COBLL1: variants seen among roughly 807,000 people sequenced by gnomAD.
The protein encoded by COBLL1 is cordon-bleu protein-like 1.
COBLL1 carries 50 observed loss-of-function variants against 94.8 expected under a neutral mutation model. That is an observed-to-expected ratio of 0.53 (90% confidence interval 0.42 to 0.67). The LOEUF is 0.67. Ranked by LOEUF, COBLL1 falls within the 30% of genes least tolerant of loss-of-function variation. The pLI is 0.00. For synonymous variants in COBLL1, 448 were observed against 473.8 expected (o/e 0.95, Z 0.71); for missense variants, 1,362 against 1,348.7 (o/e 1.01, Z -0.15).
chr2:164,672,668 C>T (rs1691262133), intron 1 of COBLL1, among the ~76,000 whole-genome samples: 1 of 135,602 alleles, frequency 7.4e-6, no homozygotes, highest in Non-Finnish European at 1.5e-5. Flanking sequence ...CACTGCAGTC[C>T]GCAGTCCGGC....
intron 3 of COBLL1, among the ~76,000 whole-genome samples, chr2:164,732,340 G>A (rs997631971): frequency 6.6e-6 from 1 of 152,094 alleles, no homozygotes; most frequent in Non-Finnish European, 1.5e-5. Flanking sequence ...CCATGTTTTG[G>A]CTTTAAACAG....
intron 2 of COBLL1, among the ~76,000 whole-genome samples, chr2:164,753,824 C>T (rs1416279991): frequency 6.6e-6 from 1 of 151,396 alleles, no homozygotes; most frequent in Non-Finnish European, 1.5e-5. Context: ...TCACTGCAAC[C>T]TCAGCCTCTT....
chr2:164,678,132 G>C (rs190397215), downstream of COBLL1, among the ~76,000 whole-genome samples: 299 of 152,230 alleles, frequency 2.0e-3, 2 homozygotes, highest in South Asian at 0.023. Flanking sequence ...GAAGAGCAAA[G>C]AGCAAGAATA....
Position 164,695,339 on chromosome 2 carries a change from GATC to G in COBLL1, c.2050_2052del (p.Asp684del), listed in dbSNP as rs753493898. On this transcript the variant is annotated inframe_deletion, in exon 12 of 14. Transcript: ENST00000652658. ...TCAATCCTATCTACAGGAGGCAAAA[GATC>G]ATCATTACCATGTGCACAAATTGGA... The G allele has an allele frequency of 1.2e-6, 2 of 1,613,956 alleles. No homozygotes were observed. The highest frequency in any genetic ancestry group is 1.7e-6 in the Non-Finnish European group (2 of 1,179,928).
chr2:164,841,526 A>T lies in COBLL1; in HGVS notation c.-51+184T>A, dbSNP rs1305259304. On this transcript the variant is annotated intron_variant, in intron 1 of 13. Coordinates refer to ENST00000652658, the MANE Select transcript of COBLL1 (RefSeq NM_001365672.2). This position sits in a 1 kb window ranked among gnomAD's most constrained non-coding sequence, Gnocchi z 5.5. ...TAGCCATTTGGCGCCTCTCGGAGGGAGAGGAGCCGCCGGGGCTGGAAAAGG... is the reference window on the plus strand; with the variant it reads ...TAGCCATTTGGCGCCTCTCGGAGGGTGAGGAGCCGCCGGGGCTGGAAAAGG... The T allele has an allele frequency of 5.2e-6, 5 of 956,320 alleles. No individual in the cohort carries two copies. The highest frequency in any genetic ancestry group is 6.5e-6 in the Non-Finnish European group (5 of 770,362). The allele number at this position is 956,320 out of a possible 1,614,324, so 59.2% of individuals were successfully genotyped here. A position where few individuals can be genotyped will look rare whatever the true frequency, so the allele number is the denominator to read the frequency against.
Position 164,684,640 on chromosome 2 carries a change from C to T in COBLL1, c.*1306G>A, listed in dbSNP as rs1683194419. On this transcript the variant is annotated 3_prime_UTR_variant, in exon 14 of 14. Coordinates refer to ENST00000652658, the MANE Select transcript of COBLL1 (RefSeq NM_001365672.2). ...CAGGGCTTAAATGTACACTAGGGAT[C>T]CCTGATAAATGGTAAATCTTACAAA... The T allele has an allele frequency of 6.6e-6, 1 of 152,024 alleles. No individual in the cohort carries two copies. Among genetic ancestry groups the T allele is most frequent in the African/African-American group, 2.4e-5 (1 of 41,406 alleles). The allele number at this position is 152,024 out of a possible 1,614,324, so 9.4% of individuals were successfully genotyped here.
chr2:164,687,775 C>A, intron 13 of COBLL1: 1 of 506,972 alleles, frequency 2.0e-6, no homozygotes, highest in Non-Finnish European at 3.6e-6. Context: ...TAATTGACTG[C>A]AGAGGTAATG....
intron 2 of COBLL1, among the ~76,000 whole-genome samples, chr2:164,779,428 C>T (rs747599884): frequency 6.6e-6 from 1 of 152,048 alleles, no homozygotes; most frequent in Non-Finnish European, 1.5e-5. Context: ...TTCCTTGCTC[C>T]CTTCAGCCTT....
intron 2 of COBLL1, among the ~76,000 whole-genome samples, chr2:164,828,565 GCACT>G (rs982866873): frequency 5.3e-5 from 8 of 152,222 alleles, no homozygotes; most frequent in East Asian, 1.9e-4. Flanking sequence ...GTATGAAGCA[GCACT>G]CACTGTGTAT....
intron 2 of COBLL1, among the ~76,000 whole-genome samples, chr2:164,780,486 A>AT (rs766065948): frequency 4.6e-5 from 7 of 151,882 alleles, no homozygotes; most frequent in Non-Finnish European, 5.9e-5. Context: ...AAGTTTTGAG[A>AT]TTTTCATGGC....
intron 12 of COBLL1, among the ~76,000 whole-genome samples, chr2:164,693,292 A>G (rs1308090652): frequency 1.3e-5 from 2 of 152,304 alleles, no homozygotes; most frequent in South Asian, 4.1e-4. Context: ...TCAAAGTAAT[A>G]AACATAAATG....
chr2:164,763,260 G>GT (rs1558991702), intron 2 of COBLL1, among the ~76,000 whole-genome samples: 1 of 151,486 alleles, frequency 6.6e-6, no homozygotes, highest in African/African-American at 2.4e-5. Context: ...TACTTCGTAC[G>GT]TATCAGGTTT....
chr2:164,837,566 T>C (rs1292829374), intron 2 of COBLL1: 5 of 432,048 alleles, frequency 1.2e-5, no homozygotes, highest in Admixed American at 3.1e-5. Flanking sequence ...AAATGATTTA[T>C]CATTTTTCAT....
intron 2 of COBLL1, among the ~76,000 whole-genome samples, chr2:164,759,003 T>C (rs148210358): frequency 6.6e-6 from 1 of 152,242 alleles, no homozygotes; most frequent in African/African-American, 2.4e-5. Flanking sequence ...ATTTAAAACA[T>C]TAAATGTGAG....
chr2:164,694,081 T>C (rs1207926434), intron 12 of COBLL1, among the ~76,000 whole-genome samples, 188 bp downstream of exon 12: 1 of 152,112 alleles, frequency 6.6e-6, no homozygotes, highest in Non-Finnish European at 1.5e-5. Context: ...CCTAAACAAG[T>C]TATATAAGTT....
chr2:164,794,849 A>T (rs1683364162), intron 2 of COBLL1, among the ~76,000 whole-genome samples: 1 of 152,232 alleles, frequency 6.6e-6, no homozygotes, highest in African/African-American at 2.4e-5. Flanking sequence ...TACATGTAAG[A>T]GCAAAAGACA....
chr2:164,759,497 T>C (rs903257978), intron 2 of COBLL1, among the ~76,000 whole-genome samples: 3 of 152,060 alleles, frequency 2.0e-5, no homozygotes, highest in Admixed American at 6.6e-5. Context: ...AGTTAGGCCA[T>C]AGGATTAGCT....
chr2:164,805,337 C>T lies in COBLL1; in HGVS notation c.41+35819G>A, dbSNP rs12692746. Among the ~76,000 whole-genome samples the T allele has an allele frequency of 2.8e-3, 48 of 17,032 alleles. 1 individual carries two copies. Among genetic ancestry groups the T allele is most frequent in the African/African-American group, 4.4e-3 (19 of 4,340 alleles). 11.2% of individuals were successfully genotyped at this position (17,032 alleles called of 152,430 possible). On this transcript the variant is annotated intron_variant, in intron 2 of 13. Coordinates refer to ENST00000652658, the MANE Select transcript of COBLL1 (RefSeq NM_001365672.2). ...TCTCTCTCTCTCTCTCTCTCTCTCT[C>T]TATATATATATATATATATATATAT...
rs1478302992 is a variant in COBLL1 at position 164,683,988 on chromosome 2, T to G, written c.*1958A>C. ...GGTAACATGGTAAGGAATCTTTAATTTTACTAGATATTGCAGAACTGGTAG... is the reference window on the plus strand; with the variant it reads ...GGTAACATGGTAAGGAATCTTTAATGTTACTAGATATTGCAGAACTGGTAG... On this transcript the variant is annotated 3_prime_UTR_variant, in exon 14 of 14. Coordinates refer to ENST00000652658, the MANE Select transcript of COBLL1 (RefSeq NM_001365672.2). 1 of 152,130 alleles carries G rather than the reference T, an allele frequency of 6.6e-6. No homozygotes were observed. The highest frequency in any genetic ancestry group is 2.4e-5 in the African/African-American group (1 of 41,436). The allele number at this position is 152,130 out of a possible 1,614,324, so 9.4% of individuals were successfully genotyped here.
Sources: allele counts gnomAD v4.1 joint callset (sites outside exome capture counted in the v4.1 genomes callset), GRCh38; gene constraint gnomAD v4.1.1; non-coding constraint Gnocchi (gnomAD v3.1); transcripts MANE v1.5; gene names NCBI Gene and HGNC (gene_info 2026-07-23, HGNC 2026-07-21).